CACNA2D3: variants seen among roughly 807,000 people sequenced by gnomAD.
CACNA2D3 encodes calcium voltage-gated channel auxiliary subunit alpha2delta 3, also known as voltage-dependent calcium channel subunit alpha-2/delta-3.
A neutral mutation model predicts 160.6 loss-of-function variants in CACNA2D3; 60 were observed. That is an observed-to-expected ratio of 0.37 (90% confidence interval 0.30 to 0.46). The LOEUF (loss-of-function observed/expected upper bound fraction) is 0.46. Among genes scored for constraint, CACNA2D3 ranks in the 20% least tolerant of loss-of-function variants. CACNA2D3 has a pLI of 1.00. For missense variants in CACNA2D3, 1,205 were observed against 1,365.0 expected, an observed-to-expected ratio of 0.88 and a Z score of 1.85; for synonymous variants, 558 against 492.9, an observed-to-expected ratio of 1.13 and a Z score of -1.75.
At chr3:54,925,056 T>TG (rs1700972878) in intron 27 of CACNA2D3, 1 of 1,614,036 alleles carries the variant, frequency 6.2e-7, no homozygotes, top group Non-Finnish European at 8.5e-7. Context: ...ATCTTGTAAA[T>TG]GCAGCGTTCG....
At chr3:54,477,632 G>A (rs1700853205) in intron 4 of CACNA2D3, among the ~76,000 whole-genome samples, 1 of 152,024 alleles carries the variant, frequency 6.6e-6, no homozygotes, top group African/African-American at 2.4e-5. Flanking sequence ...CCACCTCCAA[G>A]TCTGCTATCT....
At chr3:54,316,255 G>T (rs866357771) in intron 2 of CACNA2D3, among the ~76,000 whole-genome samples, 3 of 152,158 alleles carry the variant, frequency 2.0e-5, no homozygotes. Flanking sequence ...AGGTCAAATT[G>T]CTTGGTTTTC....
rs766528054 is a variant in CACNA2D3 at position 54,562,825 on chromosome 3, T to C, written c.570T>C (p.Tyr190=). The stretch of plus-strand genomic sequence containing the variant: ...ACCCTGCAATTGTCAATGGGGTTTA[T>C]TGGTCTGAATCTCTAAACAAAGTTT... ...NKDPAIVNGV[Y]WSESLNKVFV... Residue 190 remains tyrosine, a synonymous_variant, in exon 6 of 38, where the codon TAT becomes TAC. Coordinates refer to ENST00000474759, the MANE Select transcript of CACNA2D3 (RefSeq NM_018398.3). 1.9e-6 allele frequency: 3 copies of C among 1,612,604 alleles called. No homozygotes were observed. The highest frequency in any genetic ancestry group is 2.5e-6 in the Non-Finnish European group (3 of 1,178,710).
At chr3:54,326,970 G>A (rs1704132857) in intron 3 of CACNA2D3, among the ~76,000 whole-genome samples, 1 of 152,078 alleles carries the variant, frequency 6.6e-6, no homozygotes, top group Non-Finnish European at 1.5e-5. Context: ...TGGGTCGCTT[G>A]CAAAATCGTA....
Position 54,413,387 on chromosome 3 carries a change from C to CAT in CACNA2D3, c.381+26622_381+26623dup, listed in dbSNP as rs577128838. On this transcript the variant is annotated intron_variant, in intron 4 of 37. Coordinates refer to ENST00000474759, the MANE Select transcript of CACNA2D3 (RefSeq NM_018398.3). The stretch of plus-strand genomic sequence containing the variant: ...AGTGTGATAAGGATGTTTCTAGATG[C>CAT]ATATATATATCTATATATATCTATA... 5.3e-3 allele frequency among the ~76,000 whole-genome samples: 779 copies of CAT among 146,044 alleles called. 8 individuals carry two copies. Among genetic ancestry groups the CAT allele is most frequent in the African/African-American group, 0.018 (713 of 39,732 alleles).
intron 2 of CACNA2D3, among the ~76,000 whole-genome samples, chr3:54,209,731 A>AC (rs1256177261): frequency 6.6e-6 from 1 of 152,208 alleles, no homozygotes; most frequent in Non-Finnish European, 1.5e-5. Context: ...ATGGAACATA[A>AC]CCTTAATAGC....
At chr3:54,141,084 T>TGTGTGTGTGTGTGTGCGC (rs1553731306) in intron 2 of CACNA2D3, among the ~76,000 whole-genome samples, 4 of 112,380 alleles carry the variant, frequency 3.6e-5, no homozygotes, top group African/African-American at 1.1e-4. Context: ...TGTGTGTGTG[T>TGTGTGTGTGTGTGTGCGC]GTGCGCGCGC....
intron 35 of CACNA2D3, among the ~76,000 whole-genome samples, chr3:55,069,835 G>A (rs1704758457): frequency 6.6e-6 from 1 of 152,170 alleles, no homozygotes; most frequent in Admixed American, 6.5e-5. Context: ...TTCTCAGATT[G>A]TTTACAATGC....
intron 3 of CACNA2D3, among the ~76,000 whole-genome samples, chr3:54,377,455 C>G (rs1328141875): frequency 6.6e-6 from 1 of 152,176 alleles, no homozygotes; most frequent in African/African-American, 2.4e-5. Flanking sequence ...TGGGAAGTTT[C>G]CTTGTTTCAA....
At chr3:54,474,762 A>C (rs1559492231) in intron 4 of CACNA2D3, among the ~76,000 whole-genome samples, 1 of 152,104 alleles carries the variant, frequency 6.6e-6, no homozygotes, top group Non-Finnish European at 1.5e-5. Flanking sequence ...CACTTAGAAA[A>C]ATAAGGCAAG....
At chr3:54,360,903 T>C (rs529719324) in intron 3 of CACNA2D3, among the ~76,000 whole-genome samples, 6 of 152,274 alleles carry the variant, frequency 3.9e-5, no homozygotes, top group Admixed American at 3.9e-4. Flanking sequence ...TTGGTTTTTC[T>C]ATGTCTCATC....
Position 54,899,831 on chromosome 3 carries a change from C to A in CACNA2D3, c.2412C>A (p.Ile804=), listed in dbSNP as rs777831872. ...ATGTGGTGACAGCAAGTACATCCAT[C>A]CAGCTCCTGGATGAACGGAAATCTC... ...KSNVVTASTS[I]QLLDERKSPV... Residue 804 remains isoleucine, a synonymous_variant, in exon 27 of 38, where the codon ATC becomes ATA. Coordinates refer to ENST00000474759, the MANE Select transcript of CACNA2D3 (RefSeq NM_018398.3). The A allele has an allele frequency of 1.2e-6, 2 of 1,608,198 alleles. No homozygotes were observed. Among genetic ancestry groups the A allele is most frequent in the Non-Finnish European group, 1.7e-6 (2 of 1,177,340 alleles).
chr3:54,253,598 C>T lies in CACNA2D3; in HGVS notation c.205-66844C>T, dbSNP rs577328404. ...TCCAACACTGGGGATGACAATTGGACGTGAGATTTGGGTGGGACACAGATC... is the reference window on the plus strand; with the variant it reads ...TCCAACACTGGGGATGACAATTGGATGTGAGATTTGGGTGGGACACAGATC... On this transcript the variant is annotated intron_variant, in intron 2 of 37. Transcript: ENST00000474759. Among the ~76,000 whole-genome samples, 27 of 152,168 alleles carry T rather than the reference C, an allele frequency of 1.8e-4. 1 individual carries two copies. The highest frequency in any genetic ancestry group is 1.1e-3 in the Admixed American group (17 of 15,292).
chr3:54,973,911 C>A (rs1363456536), intron 29 of CACNA2D3, among the ~76,000 whole-genome samples: 1 of 152,124 alleles, frequency 6.6e-6, no homozygotes, highest in Non-Finnish European at 1.5e-5. Flanking sequence ...AGGAGTGGCA[C>A]CTTCCTGTGC....
At chr3:55,059,497 G>A (rs1704448366) in intron 35 of CACNA2D3, among the ~76,000 whole-genome samples, 1 of 152,182 alleles carries the variant, frequency 6.6e-6, no homozygotes, top group South Asian at 2.1e-4. Context: ...ATGGGATGGG[G>A]AACATGCAGA....
At chr3:54,898,559 A>C (rs1168763176) in intron 26 of CACNA2D3, among the ~76,000 whole-genome samples, 1 of 152,190 alleles carries the variant, frequency 6.6e-6, no homozygotes, top group Non-Finnish European at 1.5e-5. Context: ...TGAAAATATC[A>C]AGAGACAGTG....
chr3:54,985,009 G>C (rs1441255555), intron 30 of CACNA2D3, among the ~76,000 whole-genome samples: 1 of 152,154 alleles, frequency 6.6e-6, no homozygotes, highest in Non-Finnish European at 1.5e-5. Flanking sequence ...GCCTTAAATA[G>C]TTTGGGCAAC....
intron 35 of CACNA2D3, among the ~76,000 whole-genome samples, chr3:55,035,637 A>G (rs1703800173): frequency 6.6e-6 from 1 of 152,122 alleles, no homozygotes; most frequent in Non-Finnish European, 1.5e-5. Context: ...ATCTATTTTT[A>G]TGTCATTTCT....
At chr3:54,624,576 C>T (rs112313986) in intron 9 of CACNA2D3, among the ~76,000 whole-genome samples, 1,907 of 152,226 alleles carry the variant, frequency 0.013, 45 homozygotes, top group African/African-American at 0.043. Flanking sequence ...GAGCCGAGAT[C>T]GCACCCACTG....
Sources: allele counts gnomAD v4.1 joint callset (sites outside exome capture counted in the v4.1 genomes callset), GRCh38; gene constraint gnomAD v4.1.1; transcripts MANE v1.5; gene names NCBI Gene and HGNC (gene_info 2026-07-23, HGNC 2026-07-21).